PHACTR2: variants seen among roughly 807,000 people sequenced by gnomAD.
PHACTR2 encodes phosphatase and actin regulator 2.
Under a neutral mutation model 76.0 loss-of-function variants are expected in PHACTR2, and 30 were observed. The observed-to-expected ratio is 0.39, with a 90% CI of 0.30 to 0.54. The LOEUF (loss-of-function observed/expected upper bound fraction) is 0.54, where lower values mean the gene tolerates loss of function less well. PHACTR2 is among the 20% of genes least tolerant of loss of function. The pLI, the probability that PHACTR2 is intolerant of heterozygous loss-of-function variation, is 0.61. For missense variants in PHACTR2, 696 were observed against 781.1 expected (o/e 0.89, Z 1.30); for synonymous variants, 292 against 292.5 (o/e 1.00, Z 0.02).
intron 1 of PHACTR2, among the ~76,000 whole-genome samples, chr6:143,622,367 T>C (rs771082073): frequency 1.3e-5 from 2 of 152,178 alleles, no homozygotes; most frequent in Non-Finnish European, 2.9e-5. Context: ...TGTGTGTTCC[T>C]GCTGCTTTGC....
Position 143,670,992 on chromosome 6 carries a change from C to T in PHACTR2, c.14-41024C>T, listed in dbSNP as rs1024788005. On this transcript the variant is annotated intron_variant, in intron 1 of 11. Coordinates refer to the PHACTR2 transcript ENST00000305766. ...AGGCTGGAGTACAGTGGCACGATCT[C>T]GACTCACTGCAACCTCCACCTCCCA... 1.4e-4 allele frequency among the ~76,000 whole-genome samples: 21 copies of T among 151,680 alleles called. 1 individual carries two copies. The highest frequency in any genetic ancestry group is 4.6e-4 in the African/African-American group (19 of 41,366).
In PHACTR2 at chr6:143,789,022, A is replaced by G. The variant is rs899741490; in HGVS notation, c.1845+112A>G. ...GGGACGAGATCTTACCAAATATTACAACAGTTTTCTGCCTCTGATTATTTA... is the reference window on the plus strand; with the variant it reads ...GGGACGAGATCTTACCAAATATTACGACAGTTTTCTGCCTCTGATTATTTA... On this transcript the variant is annotated intron_variant, in intron 11 of 12. Transcript: ENST00000440869. The surrounding 1 kb of genome is among the most constrained non-coding windows in gnomAD (Gnocchi z 5.1). The G allele has an allele frequency of 6.8e-5, 61 of 890,630 alleles. No homozygotes were observed. In the Middle Eastern group the frequency reaches 1.8e-3, roughly 27 times the overall value. 55.2% of individuals were successfully genotyped at this position (890,630 alleles called of 1,614,324 possible).
At chr6:143,551,589 G>A (rs1283167718) in intron 1 of PHACTR2, among the ~76,000 whole-genome samples, 1 of 152,162 alleles carries the variant, frequency 6.6e-6, no homozygotes, top group Non-Finnish European at 1.5e-5. Flanking sequence ...ATAGGAACAG[G>A]AAGGAAGGGA....
chr6:143,813,078 A>T lies in PHACTR2; in HGVS notation c.1922+5945A>T, dbSNP rs1254543098. Among the ~76,000 whole-genome samples, 3 of 152,182 alleles carry T rather than the reference A, an allele frequency of 2.0e-5. 1 individual carries two copies. Among genetic ancestry groups the T allele is most frequent in the South Asian group, 2.1e-4 (1 of 4,828 alleles). On this transcript the variant is annotated intron_variant, in intron 12 of 12. Coordinates refer to ENST00000440869, the MANE Select transcript of PHACTR2 (RefSeq NM_001100164.2). ...TGTATCAGATTTGTTATCAAGAGAG[A>T]ATATCGCTTTTTAAAAATAAACTTC...
Position 143,543,335 on chromosome 6 carries a change from T to C in PHACTR2, c.217+6128T>C, listed in dbSNP as rs1415018106. ...TGTAGGCAAGGGCATATCTTGATTTTTCATTTCTTCTTTCAATCAACAAAT... is the reference window on the plus strand; with the variant it reads ...TGTAGGCAAGGGCATATCTTGATTTCTCATTTCTTCTTTCAATCAACAAAT... On this transcript the variant is annotated intron_variant, in intron 1 of 11. Coordinates refer to the PHACTR2 transcript ENST00000367584. This position sits in a 1 kb window ranked among gnomAD's most constrained non-coding sequence, Gnocchi z 4.7. 6.6e-6 allele frequency among the ~76,000 whole-genome samples: 1 copy of C among 152,240 alleles called. No homozygotes were observed. The highest frequency in any genetic ancestry group is 1.5e-5 in the Non-Finnish European group (1 of 68,042).
chr6:143,728,514 G>C (rs79592615), intron 2 of PHACTR2, among the ~76,000 whole-genome samples: 3,708 of 152,098 alleles, frequency 0.024, 146 homozygotes, highest in African/African-American at 0.082. Flanking sequence ...CTAAAAAAGA[G>C]CCCAAACAGC....
At chr6:143,615,658 G>A (rs923927732) in intron 1 of PHACTR2, among the ~76,000 whole-genome samples, 2 of 152,136 alleles carry the variant, frequency 1.3e-5, no homozygotes, top group Non-Finnish European at 2.9e-5. Context: ...TGAAAGATGT[G>A]ATAATATTAG....
At position 143,654,789 on chromosome 6, in the gene PHACTR2, G is replaced by A. The variant is rs1442618415; in HGVS notation, c.13+46467G>A. 3.3e-5 allele frequency among the ~76,000 whole-genome samples: 5 copies of A among 152,188 alleles called. No individual in the cohort carries two copies. Among genetic ancestry groups the A allele is most frequent in the African/African-American group, 7.2e-5 (3 of 41,438 alleles). On this transcript the variant is annotated intron_variant, in intron 1 of 11. Transcript: ENST00000305766. This position sits in a 1 kb window ranked among gnomAD's most constrained non-coding sequence, Gnocchi z 4.6. ...ACCACACTCCCGCCTAGGTTGCAGA[G>A]CAAGACCTTGTCTCTACAAATAAAC... is the stretch of plus-strand genomic sequence containing the variant.
Position 143,700,035 on chromosome 6 carries a change from C to T in PHACTR2, c.47-11981C>T, listed in dbSNP as rs1777869605. On this transcript the variant is annotated intron_variant, in intron 1 of 12. Coordinates refer to ENST00000440869, the MANE Select transcript of PHACTR2 (RefSeq NM_001100164.2). The surrounding 1 kb of genome is among the most constrained non-coding windows in gnomAD (Gnocchi z 4.1). ...GTGGCCACGGTCTCTCCACAGATAC[C>T]GGCCTTGGGGACCCTGTATGACTGC... Among the ~76,000 whole-genome samples, 1 of 152,106 alleles carries T rather than the reference C, an allele frequency of 6.6e-6. No individual in the cohort carries two copies. The highest frequency in any genetic ancestry group is 2.4e-5 in the African/African-American group (1 of 41,416).
chr6:143,774,355 A>C lies in PHACTR2; in HGVS notation c.1589+140A>C, dbSNP rs1002468979. On this transcript the variant is annotated intron_variant, in intron 8 of 12. Coordinates refer to ENST00000440869, the MANE Select transcript of PHACTR2 (RefSeq NM_001100164.2). The surrounding 1 kb of genome is among the most constrained non-coding windows in gnomAD (Gnocchi z 5.4). ...CTGGGTCTTTTAAAGTTGGTCTTGC[A>C]TGATGAAACACTCGAAGAACCTGTC... The C allele has an allele frequency of 3.5e-6, 2 of 565,664 alleles. No homozygotes were observed. Among genetic ancestry groups the C allele is most frequent in the South Asian group, 3.3e-5 (1 of 30,182 alleles). 35.0% of individuals were successfully genotyped at this position (565,664 alleles called of 1,614,324 possible).
chr6:143,749,708 G>A (rs1013292602), intron 3 of PHACTR2, among the ~76,000 whole-genome samples: 6 of 151,850 alleles, frequency 4.0e-5, no homozygotes, highest in African/African-American at 1.2e-4. Flanking sequence ...ATCCTCCCGA[G>A]GAGGAACTTT....
In PHACTR2 at chr6:143,539,842, T is replaced by G. The variant is rs1781155951; in HGVS notation, c.217+2635T>G. Among the ~76,000 whole-genome samples, 2 of 152,336 alleles carry G rather than the reference T, an allele frequency of 1.3e-5. No individual in the cohort carries two copies. Among genetic ancestry groups the G allele is most frequent in the African/African-American group, 4.8e-5 (2 of 41,570 alleles). ...AAAGTGCTGCTCTCCCACACTGGTT[T>G]TCAAACTTGGCTACACGTAGGAATT... On this transcript the variant is annotated intron_variant, in intron 1 of 11. Transcript: ENST00000367584. This position sits in a 1 kb window ranked among gnomAD's most constrained non-coding sequence, Gnocchi z 4.3.
Position 143,819,626 on chromosome 6 carries a change from G to T in PHACTR2, c.1923-4048G>T, listed in dbSNP as rs923568188. Among the ~76,000 whole-genome samples the T allele has an allele frequency of 3.9e-5, 6 of 152,128 alleles. No homozygotes were observed. Among genetic ancestry groups the T allele is most frequent in the Non-Finnish European group, 7.4e-5 (5 of 68,026 alleles). On this transcript the variant is annotated intron_variant, in intron 12 of 12. Transcript: ENST00000440869. The surrounding 1 kb of genome is among the most constrained non-coding windows in gnomAD (Gnocchi z 5.0). The stretch of plus-strand genomic sequence containing the variant: ...TAAGTTCTGGAGTACAAAGGGTGGG[G>T]AGCCTGGAGTTGTTGTTCAAGGACA...
At chr6:143,635,765 G>T (rs1776442081) in intron 1 of PHACTR2, among the ~76,000 whole-genome samples, 1 of 151,964 alleles carries the variant, frequency 6.6e-6, no homozygotes, top group African/African-American at 2.4e-5. Flanking sequence ...TTTATATTAG[G>T]GATATTATGC....
At chr6:143,685,739 G>A (rs1021029769) in intron 1 of PHACTR2, among the ~76,000 whole-genome samples, 1 of 146,442 alleles carries the variant, frequency 6.8e-6, no homozygotes, top group African/African-American at 2.5e-5. Flanking sequence ...GTTTAGCAAA[G>A]ATTAAAATGA....
At chr6:143,638,626 T>C (rs1442492645) in intron 1 of PHACTR2, among the ~76,000 whole-genome samples, 1 of 151,562 alleles carries the variant, frequency 6.6e-6, no homozygotes, top group Non-Finnish European at 1.5e-5. Context: ...TTGAGCTAAT[T>C]TTTCATTTTA....
chr6:143,690,076 G>A (rs116883756), intron 1 of PHACTR2, among the ~76,000 whole-genome samples: 2,495 of 152,278 alleles, frequency 0.016, 116 homozygotes, highest in Admixed American at 0.097. Context: ...TAAGGCTTGT[G>A]GTAAACCACG....
intron 4 of PHACTR2, among the ~76,000 whole-genome samples, chr6:143,758,319 A>G (rs1259536499): frequency 6.6e-6 from 1 of 152,222 alleles, no homozygotes; most frequent in Non-Finnish European, 1.5e-5. Flanking sequence ...GACATGTGTT[A>G]CAGATCAGTT....
chr6:143,759,837 A>G (rs1306060277), intron 4 of PHACTR2, among the ~76,000 whole-genome samples: 1 of 152,164 alleles, frequency 6.6e-6, no homozygotes, highest in Non-Finnish European at 1.5e-5. Flanking sequence ...AAGATTCTCC[A>G]GAGTCTCTCT....
Sources: gnomAD v4.1 joint callset for allele counts (sites outside exome capture counted in the v4.1 genomes callset) on GRCh38, gnomAD v4.1.1 for gene constraint, Gnocchi (gnomAD v3.1) non-coding constraint, MANE v1.5 for transcripts, NCBI Gene and HGNC (gene_info 2026-07-23, HGNC 2026-07-21) for gene names.